The following TTC13 variants were observed in gnomAD, a reference collection of about 807,000 sequenced individuals.
TTC13 encodes the protein tetratricopeptide repeat protein 13.
Under a neutral mutation model 120.0 loss-of-function variants are expected in TTC13, and 62 were observed. The ratio of observed to expected loss-of-function variants is 0.52; its 90% CI spans 0.42 to 0.64. TTC13 has a LOEUF of 0.64. Among genes scored for constraint, TTC13 ranks in the 30% least tolerant of loss-of-function variants. The pLI is 0.00. For synonymous variants in TTC13, 384 were observed against 393.5 expected, an observed-to-expected ratio of 0.98 and a Z score of 0.28; for missense variants, 824 against 1,050.2, an observed-to-expected ratio of 0.78 and a Z score of 2.98.
chr1:230,949,088 G>A (rs1675284365), intron 4 of TTC13, among the ~76,000 whole-genome samples: 1 of 151,944 alleles, frequency 6.6e-6, no homozygotes, highest in East Asian at 1.9e-4. Flanking sequence ...GCTATCTCAG[G>A]TTCCATGTGC....
intron 1 of TTC13, among the ~76,000 whole-genome samples, chr1:230,972,503 C>A (rs142068406): frequency 6.6e-6 from 1 of 152,310 alleles, no homozygotes; most frequent in East Asian, 1.9e-4. Context: ...TGAGCCCAAA[C>A]AAAATGACCT....
At chr1:230,958,540 C>A (rs1676321214) in intron 2 of TTC13, among the ~76,000 whole-genome samples, 2 of 152,182 alleles carry the variant, frequency 1.3e-5, no homozygotes, top group African/African-American at 4.8e-5. Context: ...GCTTCCACAC[C>A]TGGAACCTGG....
At chr1:230,920,617 T>G (rs369637271) in intron 16 of TTC13, 23 bp from the exon 17 acceptor site, 47 of 1,399,150 alleles carry the variant, frequency 3.4e-5, no homozygotes, top group Non-Finnish European at 4.3e-5. Flanking sequence ...CAGAGAGAGA[T>G]GGCAACTGAG....
intron 1 of TTC13, among the ~76,000 whole-genome samples, chr1:230,972,578 G>T (rs1166161174): frequency 6.6e-6 from 1 of 152,204 alleles, no homozygotes; most frequent in East Asian, 1.9e-4. Flanking sequence ...ATTGAGTGCA[G>T]TGAAGCTAAA....
At chr1:230,957,352 A>T (rs1383153744) in intron 3 of TTC13, among the ~76,000 whole-genome samples, 2 of 152,108 alleles carry the variant, frequency 1.3e-5, no homozygotes, top group Non-Finnish European at 2.9e-5. Context: ...AGGGAAGAAG[A>T]TCATTCGAGC....
At chr1:230,949,223 A>AC (rs143126689) in intron 4 of TTC13, among the ~76,000 whole-genome samples, 26,364 of 114,304 alleles carry the variant, frequency 0.23, 2,512 homozygotes, top group East Asian at 0.49. Flanking sequence ...ATTCTTCCCA[A>AC]AGGGAAGCAA....
chr1:230,908,884 T>A, intron 21 of TTC13, 58 bp downstream of exon 21: 1 of 1,609,354 alleles, frequency 6.2e-7, no homozygotes, highest in Non-Finnish European at 8.5e-7. Flanking sequence ...AAAATAAAAA[T>A]CCATAAATTG....
At chr1:230,961,343 T>C in intron 1 of TTC13, 40 bp from the exon 2 acceptor site, 1 of 1,430,486 alleles carries the variant, frequency 7.0e-7, no homozygotes, top group South Asian at 1.2e-5. Context: ...TACACCTTAA[T>C]TTATGCTCTT....
intron 1 of TTC13, among the ~76,000 whole-genome samples, chr1:230,970,267 G>A (rs949473114): frequency 1.3e-5 from 2 of 152,166 alleles, no homozygotes; most frequent in Admixed American, 6.5e-5. Flanking sequence ...GCACATTGAC[G>A]AGGACAAAAG....
At chr1:230,971,128 G>A (rs909755488) in intron 1 of TTC13, among the ~76,000 whole-genome samples, 4 of 151,972 alleles carry the variant, frequency 2.6e-5, no homozygotes, top group African/African-American at 7.3e-5. Context: ...GGCGGATCAC[G>A]AGGTCAGGAG....
chr1:230,909,740 G>A (rs1671306235), intron 20 of TTC13, among the ~76,000 whole-genome samples: 3 of 152,260 alleles, frequency 2.0e-5, no homozygotes. Flanking sequence ...ATGGTTTGGA[G>A]ATTTGGGCAT....
chr1:230,961,140 T>C, intron 2 of TTC13, 69 bp downstream of exon 2: 1 of 1,279,030 alleles, frequency 7.8e-7, no homozygotes, highest in Non-Finnish European at 1.1e-6. Context: ...AGAGGCGACT[T>C]CCACTTTTTG....
chr1:230,943,911 T>C lies in TTC13; in HGVS notation c.580-13A>G. The C allele has an allele frequency of 1.9e-6, 3 of 1,600,046 alleles. No homozygotes were observed. Among genetic ancestry groups the C allele is most frequent in the Non-Finnish European group, 2.6e-6 (3 of 1,171,128 alleles). On this transcript the variant is annotated splice_polypyrimidine_tract_variant and intron_variant, in intron 5 of 22. Transcript: ENST00000366661. ...CATTCTTAATGTCCTTGAAAAGGCA[T>C]TAGCTTAGTATGAGACATACTGTTA...
At chr1:230,928,496 C>T (rs1208428808) in intron 12 of TTC13, among the ~76,000 whole-genome samples, 2 of 152,124 alleles carry the variant, frequency 1.3e-5, no homozygotes, top group African/African-American at 2.4e-5. Flanking sequence ...TTCTAGGTTT[C>T]CTTTGTAGAA....
Position 230,940,566 on chromosome 1 carries a change from C to CCAAACATGTA in TTC13, c.673-20_673-11dup, listed in dbSNP as rs777400877. The CCAAACATGTA allele has an allele frequency of 6.4e-7, 1 of 1,559,328 alleles. No individual in the cohort carries two copies. Among genetic ancestry groups the CCAAACATGTA allele is most frequent in the South Asian group, 1.1e-5 (1 of 89,564 alleles). Reference sequence around the variant, plus strand: ...CCAGAGGGGACAGAATCTAGAAATCCCAAACATGTAATCAGGAAGAATACC... The same window carrying CCAAACATGTA: ...CCAGAGGGGACAGAATCTAGAAATCCCAAACATGTACAAACATGTAATCAGGAAGAATACC... On this transcript the variant is annotated splice_polypyrimidine_tract_variant and intron_variant, in intron 6 of 22. Coordinates refer to ENST00000366661, the MANE Select transcript of TTC13 (RefSeq NM_024525.5). This position sits in a 1 kb window ranked among gnomAD's most constrained non-coding sequence, Gnocchi z 4.1.
chr1:230,921,334 G>A (rs1672554577), intron 16 of TTC13, 87 bp downstream of exon 16: 1 of 768,184 alleles, frequency 1.3e-6, no homozygotes. Context: ...CCCGTCAACA[G>A]GCTTAGTTCT....
At chr1:230,914,058 A>T (rs1336803925) in intron 18 of TTC13, among the ~76,000 whole-genome samples, 1 of 152,174 alleles carries the variant, frequency 6.6e-6, no homozygotes, top group Admixed American at 6.5e-5. Context: ...GTGAAGCAGG[A>T]GACAGAAGAT....
In TTC13 at chr1:230,955,670, C is replaced by CAA. The variant is rs34027679; in HGVS notation, c.443-1269_443-1268dup. Among the ~76,000 whole-genome samples the CAA allele has an allele frequency of 1.1e-3, 118 of 105,994 alleles. 5 individuals carry two copies. The highest frequency in any genetic ancestry group is 1.9e-3 in the African/African-American group (49 of 26,472). The allele number at this position is 105,994 out of a possible 152,430, so 69.5% of individuals were successfully genotyped here. On this transcript the variant is annotated intron_variant, in intron 3 of 22. Coordinates refer to ENST00000366661, the MANE Select transcript of TTC13 (RefSeq NM_024525.5). ...TGGGCGACAGAGAGAGACTCCATCT[C>CAA]AAAAAAAAAAAAAAAGGAGTAAAAA...
rs1673943773 is a variant in TTC13, at chr1:230,935,367, G to T, written c.901-1506C>A. Among the ~76,000 whole-genome samples, 2 of 152,180 alleles carry T rather than the reference G, an allele frequency of 1.3e-5. 1 individual carries two copies. Among genetic ancestry groups the T allele is most frequent in the South Asian group, 4.1e-4 (2 of 4,832 alleles). ...GGAATACAAATTAAGAGCTGGAATA[G>T]AGATATAAGTAAGTCTCTGAGAATG... On this transcript the variant is annotated intron_variant, in intron 8 of 22. Transcript: ENST00000366661.
Sources: allele counts gnomAD v4.1 joint callset (sites outside exome capture counted in the v4.1 genomes callset), GRCh38; gene constraint gnomAD v4.1.1; non-coding constraint Gnocchi (gnomAD v3.1); transcripts MANE v1.5; gene names NCBI Gene and HGNC (gene_info 2026-07-23, HGNC 2026-07-21).